TENM3: variants seen among roughly 807,000 people sequenced by gnomAD.
The protein encoded by TENM3 is teneurin-3.
In TENM3, 63 loss-of-function variants were observed where a neutral mutation model predicts 255.1. The observed-to-expected ratio is 0.25, with a 90% CI of 0.20 to 0.30. The LOEUF (loss-of-function observed/expected upper bound fraction) is 0.30, where lower values mean the gene tolerates loss of function less well. TENM3 is among the 10% of genes least tolerant of loss of function. The pLI, the probability that TENM3 is intolerant of heterozygous loss-of-function variation, is 1.00. For missense variants in TENM3, 2,929 were observed against 3,461.1 expected (o/e 0.85, Z 3.86); for synonymous variants, 1,306 against 1,322.3 (o/e 0.99, Z 0.27).
At chr4:182,756,587 G>T (rs943226395) in intron 22 of TENM3, among the ~76,000 whole-genome samples, 4 of 152,112 alleles carry the variant, frequency 2.6e-5, no homozygotes, top group African/African-American at 7.2e-5. Flanking sequence ...TGAAGCAAAG[G>T]TACTTCTTTC....
the TENM3 span, among the ~76,000 whole-genome samples, chr4:181,779,612 A>C: frequency 6.6e-6 from 1 of 152,050 alleles, no homozygotes; most frequent in Non-Finnish European, 1.5e-5. Flanking sequence ...CATGAGAGGA[A>C]GAGTTCTGCC....
chr4:182,080,921 G>A, the TENM3 span, among the ~76,000 whole-genome samples: 1 of 152,092 alleles, frequency 6.6e-6, no homozygotes, highest in Non-Finnish European at 1.5e-5. Context: ...AGTCCCGGGT[G>A]TCAGGGCCTC....
At chr4:182,775,198 C>G (rs1324518604) in intron 24 of TENM3, 45 bp downstream of exon 24, 3 of 1,563,914 alleles carry the variant, frequency 1.9e-6, no homozygotes, top group East Asian at 2.2e-5. Flanking sequence ...GCCCTCTGAT[C>G]TGTGCAGATC....
chr4:181,535,420 G>A, the TENM3 span, among the ~76,000 whole-genome samples: 97 of 152,290 alleles, frequency 6.4e-4, no homozygotes, highest in African/African-American at 2.1e-3. Context: ...CAGCATCATG[G>A]TGTCTCCTAG....
intron 3 of TENM3, among the ~76,000 whole-genome samples, chr4:182,464,897 A>G (rs1377349170): frequency 6.6e-6 from 1 of 152,150 alleles, no homozygotes; most frequent in Non-Finnish European, 1.5e-5. Flanking sequence ...AGGTTTTTAA[A>G]TATGTCCCTT....
the TENM3 span, among the ~76,000 whole-genome samples, chr4:181,846,635 A>AT: frequency 5.3e-5 from 8 of 152,162 alleles, no homozygotes; most frequent in Non-Finnish European, 7.4e-5. Flanking sequence ...TCCTCAATTC[A>AT]TTTTTTTCTT....
At chr4:182,213,250 T>C (rs1174710738) in intron 1 of TENM3, among the ~76,000 whole-genome samples, 1 of 152,180 alleles carries the variant, frequency 6.6e-6, no homozygotes, top group Non-Finnish European at 1.5e-5. Flanking sequence ...ATATTTCAAA[T>C]ATCATGTAAC....
intron 19 of TENM3, among the ~76,000 whole-genome samples, chr4:182,750,822 C>T (rs922845661): frequency 2.0e-5 from 3 of 152,130 alleles, no homozygotes; most frequent in South Asian, 2.1e-4. Context: ...ATCATGTTGA[C>T]GTCTTGGTTG....
chr4:182,304,626 C>T (rs1762036122), intron 1 of TENM3, among the ~76,000 whole-genome samples: 2 of 152,132 alleles, frequency 1.3e-5, no homozygotes, highest in Admixed American at 1.3e-4. Flanking sequence ...AGGCAGGCAA[C>T]ACTGGAGTAG....
intron 11 of TENM3, among the ~76,000 whole-genome samples, chr4:182,687,221 A>C (rs962990749): frequency 6.6e-6 from 1 of 152,174 alleles, no homozygotes; most frequent in Non-Finnish European, 1.5e-5. Flanking sequence ...AAGAAAACCA[A>C]AACTAATCAA....
At chr4:182,612,588 G>A (rs760641018) in intron 4 of TENM3, among the ~76,000 whole-genome samples, 4 of 152,150 alleles carry the variant, frequency 2.6e-5, no homozygotes, top group Non-Finnish European at 5.9e-5. Flanking sequence ...TTATCTCACT[G>A]GTTTGTTTTG....
the TENM3 span, among the ~76,000 whole-genome samples, chr4:181,942,911 A>G: frequency 6.6e-6 from 1 of 152,236 alleles, no homozygotes; most frequent in Non-Finnish European, 1.5e-5. Context: ...ATCACAATTT[A>G]AAAATCATTA....
intron 3 of TENM3, among the ~76,000 whole-genome samples, chr4:182,428,052 A>G (rs1354315814): frequency 6.6e-6 from 1 of 151,986 alleles, no homozygotes; most frequent in Non-Finnish European, 1.5e-5. Context: ...TGTATTTGCT[A>G]TAAATACAAC....
At chr4:182,654,483 A>G (rs557129252) in intron 6 of TENM3, among the ~76,000 whole-genome samples, 1 of 152,310 alleles carries the variant, frequency 6.6e-6, no homozygotes, top group Non-Finnish European at 1.5e-5. Context: ...GTATACATAC[A>G]TATGTACACT....
chr4:182,121,764 G>C, the TENM3 span, among the ~76,000 whole-genome samples: 1 of 152,180 alleles, frequency 6.6e-6, no homozygotes, highest in African/African-American at 2.4e-5. Context: ...TGATTAACCA[G>C]GGTGGTAGGT....
At chr4:182,621,738 A>T (rs1750243806) in intron 4 of TENM3, among the ~76,000 whole-genome samples, 2 of 42,678 alleles carry the variant, frequency 4.7e-5, no homozygotes, top group Non-Finnish European at 1.1e-4. Flanking sequence ...AAAATATATA[A>T]TATATAATAT....
the TENM3 span, among the ~76,000 whole-genome samples, chr4:181,877,395 C>G: frequency 6.6e-6 from 1 of 152,022 alleles, no homozygotes; most frequent in Admixed American, 6.6e-5. Flanking sequence ...ACAGCAGATG[C>G]CTTTTTATAG....
At chr4:182,535,807 A>G (rs577175901) in intron 3 of TENM3, among the ~76,000 whole-genome samples, 1 of 152,056 alleles carries the variant, frequency 6.6e-6, no homozygotes, top group South Asian at 2.1e-4. Context: ...GATAAACATT[A>G]TTACATTATT....
chr4:181,457,261 A>T, the TENM3 span, among the ~76,000 whole-genome samples: 2 of 151,794 alleles, frequency 1.3e-5, no homozygotes, highest in South Asian at 4.2e-4. Context: ...TGACAAATGG[A>T]CTCTGTAGGC....
Sources: gnomAD v4.1 joint callset for allele counts (sites outside exome capture counted in the v4.1 genomes callset) on GRCh38, gnomAD v4.1.1 for gene constraint, MANE v1.5 for transcripts, NCBI Gene and HGNC (gene_info 2026-07-23, HGNC 2026-07-21) for gene names.